The following TEC variants were observed in gnomAD, a reference collection of about 807,000 sequenced individuals.
The protein encoded by TEC is tyrosine-protein kinase Tec.
TEC carries 72 observed loss-of-function variants against 93.0 expected under a neutral mutation model. That is an observed-to-expected ratio of 0.77 (90% CI 0.64 to 0.94). The LOEUF is 0.94. Ranked by LOEUF, TEC falls within the 40% of genes least tolerant of loss-of-function variation. The probability of loss-of-function intolerance (pLI) is 0.00; values close to 1 mark genes in which losing one functional copy is unlikely to be tolerated. For missense variants in TEC, 630 were observed against 757.9 expected, an observed-to-expected ratio of 0.83 and a Z score of 1.98; for synonymous variants, 249 against 247.7, an observed-to-expected ratio of 1.01 and a Z score of -0.05.
chr4:48,153,003 A>C (rs1231921914), intron 9 of TEC, among the ~76,000 whole-genome samples: 1 of 152,190 alleles, frequency 6.6e-6, no homozygotes, highest in Non-Finnish European at 1.5e-5. Context: ...CAGATGCAAA[A>C]AGTAGACTAG....
chr4:48,182,898 T>C (rs898640257), intron 2 of TEC, among the ~76,000 whole-genome samples: 14 of 152,222 alleles, frequency 9.2e-5, no homozygotes, highest in African/African-American at 3.4e-4. Flanking sequence ...AAGTCATTTA[T>C]CTCAGGACAC....
At chr4:48,236,518 G>A (rs1286047783) in intron 1 of TEC, among the ~76,000 whole-genome samples, 2 of 152,158 alleles carry the variant, frequency 1.3e-5, no homozygotes, top group Non-Finnish European at 2.9e-5. Context: ...TCCTGACCTC[G>A]TGATCCACCC....
intron 1 of TEC, among the ~76,000 whole-genome samples, chr4:48,265,515 ATTTT>A (rs71189199): frequency 7.4e-4 from 95 of 129,164 alleles, no homozygotes; most frequent in East Asian, 1.1e-3. Context: ...ATATATATAT[ATTTT>A]TTTTTTTTTT....
intron 11 of TEC, among the ~76,000 whole-genome samples, chr4:48,148,197 T>C (rs775667126): frequency 7.2e-5 from 11 of 152,180 alleles, no homozygotes; most frequent in Non-Finnish European, 1.5e-4. Context: ...TCTGTAAATA[T>C]ACTAAAAACC....
intron 11 of TEC, among the ~76,000 whole-genome samples, chr4:48,146,776 G>A (rs757640947): frequency 9.2e-5 from 14 of 152,036 alleles, no homozygotes; most frequent in African/African-American, 3.1e-4. Context: ...CATACAAATC[G>A]GGCTCTAGGA....
intron 2 of TEC, among the ~76,000 whole-genome samples, chr4:48,195,612 A>G (rs1480563815): frequency 6.6e-6 from 1 of 152,224 alleles, no homozygotes; most frequent in Non-Finnish European, 1.5e-5. Context: ...TGACTCTGCC[A>G]AAGTAATGAG....
rs566390739 is a variant in TEC, at chr4:48,161,868, T to C, written c.737+1834A>G. Among the ~76,000 whole-genome samples, 32 of 152,216 alleles carry C rather than the reference T, an allele frequency of 2.1e-4. No individual in the cohort carries two copies. In the South Asian group the frequency reaches 4.4e-3, roughly 21 times the overall value. ...GAAAGACTAGACTGGTTTAGTCTTC[T>C]GGCCTACATCCTTCTCCCGTACTGG... On this transcript the variant is annotated intron_variant, in intron 8 of 17. Coordinates refer to ENST00000381501, the MANE Select transcript of TEC (RefSeq NM_003215.3).
intron 15 of TEC, 59 bp from the exon 16 acceptor site, chr4:48,139,081 G>T: frequency 7.0e-7 from 1 of 1,429,860 alleles, no homozygotes; most frequent in Non-Finnish European, 9.8e-7. Context: ...TTTTCTACTT[G>T]CTCTTTCATT....
chr4:48,192,885 T>C (rs1161013093), intron 2 of TEC, among the ~76,000 whole-genome samples: 1 of 152,180 alleles, frequency 6.6e-6, no homozygotes, highest in African/African-American at 2.4e-5. Context: ...CTTCTCTTTA[T>C]CACCCCTTCT....
At chr4:48,203,509 C>T (rs552904240) in intron 2 of TEC, among the ~76,000 whole-genome samples, 60 of 152,244 alleles carry the variant, frequency 3.9e-4, no homozygotes, top group African/African-American at 1.4e-3. Flanking sequence ...TCAGCCCTGC[C>T]CATGAGAGCA....
chr4:48,259,358 A>T (rs1724431768), intron 1 of TEC, among the ~76,000 whole-genome samples: 1 of 152,106 alleles, frequency 6.6e-6, no homozygotes, highest in Non-Finnish European at 1.5e-5. Context: ...GTACCCCCAA[A>T]CCTAAAATAA....
intron 2 of TEC, among the ~76,000 whole-genome samples, chr4:48,213,424 G>T (rs1385796333): frequency 6.6e-6 from 1 of 152,234 alleles, no homozygotes; most frequent in Non-Finnish European, 1.5e-5. Flanking sequence ...ATTTTTATCT[G>T]AAGTAGTAAT....
intron 5 of TEC, among the ~76,000 whole-genome samples, chr4:48,170,035 T>A (rs769860111): frequency 6.6e-6 from 1 of 152,178 alleles, no homozygotes; most frequent in Non-Finnish European, 1.5e-5. Context: ...AGATTCAATA[T>A]TGTGATAAAA....
intron 2 of TEC, among the ~76,000 whole-genome samples, chr4:48,184,578 G>T (rs1721723203): frequency 6.6e-6 from 1 of 151,982 alleles, no homozygotes; most frequent in Non-Finnish European, 1.5e-5. Context: ...CAATTATAAA[G>T]AACCTCTGTT....
chr4:48,232,212 C>A (rs528149657), intron 1 of TEC, among the ~76,000 whole-genome samples: 1 of 151,598 alleles, frequency 6.6e-6, no homozygotes, highest in Non-Finnish European at 1.5e-5. Flanking sequence ...TCGTTTGAAC[C>A]GGGGAGGCAG....
chr4:48,253,479 C>T (rs1724261806), intron 1 of TEC, among the ~76,000 whole-genome samples: 1 of 152,126 alleles, frequency 6.6e-6, no homozygotes. Flanking sequence ...ATCATCCTGC[C>T]CCTCTTCTTT....
chr4:48,213,463 GA>G (rs1178974690), intron 2 of TEC, among the ~76,000 whole-genome samples: 2 of 152,120 alleles, frequency 1.3e-5, no homozygotes, highest in African/African-American at 4.8e-5. Flanking sequence ...ATTTATCTCA[GA>G]AGTACAGTAT....
chr4:48,185,469 T>C (rs1211353859), intron 2 of TEC, among the ~76,000 whole-genome samples: 1 of 152,228 alleles, frequency 6.6e-6, no homozygotes, highest in Non-Finnish European at 1.5e-5. Flanking sequence ...GATGATTCTA[T>C]GAGAAACTGC....
chr4:48,239,051 ATCTTTGTTATAG>A (rs1284668016), intron 1 of TEC, among the ~76,000 whole-genome samples: 2 of 152,184 alleles, frequency 1.3e-5, no homozygotes, highest in African/African-American at 2.4e-5. Flanking sequence ...ATATCATGGT[ATCTTTGTTATAG>A]TCGGTTAACA....
Sources: gnomAD v4.1 joint callset for allele counts (sites outside exome capture counted in the v4.1 genomes callset) on GRCh38, gnomAD v4.1.1 for gene constraint, MANE v1.5 for transcripts, NCBI Gene and HGNC (gene_info 2026-07-23, HGNC 2026-07-21) for gene names.